The following COL15A1 variants were observed in gnomAD, a reference collection of about 807,000 sequenced individuals.
COL15A1 encodes the protein collagen type XV alpha 1 chain.
Under a neutral mutation model 165.9 loss-of-function variants are expected in COL15A1, and 111 were observed. That is an observed-to-expected ratio of 0.67 (90% CI 0.57 to 0.78). COL15A1 has a LOEUF of 0.78. Among genes scored for constraint, COL15A1 ranks in the 30% least tolerant of loss-of-function variants. The pLI is 0.00. For synonymous variants in COL15A1, 659 were observed against 674.8 expected, an observed-to-expected ratio of 0.98 and a Z score of 0.36; for missense variants, 1,745 against 1,789.7, an observed-to-expected ratio of 0.98 and a Z score of 0.45.
At chr9:99,059,426 G>T (rs1035167293) in intron 35 of COL15A1, among the ~76,000 whole-genome samples, 1 of 152,188 alleles carries the variant, frequency 6.6e-6, no homozygotes, top group African/African-American at 2.4e-5. Context: ...TGGCCCCAAG[G>T]CCAGGGCTAC....
intron 2 of COL15A1, among the ~76,000 whole-genome samples, chr9:98,971,956 T>A (rs1312561640): frequency 6.6e-6 from 1 of 152,182 alleles, no homozygotes; most frequent in Non-Finnish European, 1.5e-5. Context: ...CAGGTGGTTG[T>A]GAGGCTGAAC....
At chr9:98,946,908 T>C (rs1221681948) in intron 2 of COL15A1, among the ~76,000 whole-genome samples, 2 of 152,240 alleles carry the variant, frequency 1.3e-5, no homozygotes, top group Non-Finnish European at 2.9e-5. Context: ...CTATGCTGTA[T>C]GCTTAAGTGG....
intron 9 of COL15A1, among the ~76,000 whole-genome samples, chr9:99,006,577 G>A (rs554658726): frequency 6.6e-6 from 1 of 152,328 alleles, no homozygotes; most frequent in Non-Finnish European, 1.5e-5. Flanking sequence ...AGGCCACTGG[G>A]CAGTTATATG....
At chr9:99,042,835 C>T (rs1038345363) in intron 24 of COL15A1, among the ~76,000 whole-genome samples, 4 of 152,146 alleles carry the variant, frequency 2.6e-5, no homozygotes, top group African/African-American at 9.7e-5. Context: ...AATTAACTTT[C>T]CAGTTGGTTT....
Position 99,003,535 on chromosome 9 carries a change from G to A in COL15A1, c.1148G>A (p.Gly383Glu). ...GCAGAGGCCAGCAGTGTGCCCACCGGGGGACCAACCCTCTCTATGTCCACG... is the reference window on the plus strand; with the variant it reads ...GCAGAGGCCAGCAGTGTGCCCACCGAGGGACCAACCCTCTCTATGTCCACG... The part of the protein sequence containing the change: ...GEAEASSVPT[G>E]GPTLSMSTEN... The change falls in exon 8 of 42, where the codon GGG (glycine) becomes GAG (glutamate). Residue 383 changes from glycine (G) to glutamate (E), a missense_variant. Transcript: ENST00000375001. 7.0e-6 allele frequency: 11 copies of A among 1,568,576 alleles called. No individual in the cohort carries two copies. Among genetic ancestry groups the A allele is most frequent in the Non-Finnish European group, 9.5e-6 (11 of 1,156,422 alleles).
chr9:99,001,932 G>A (rs769916173), intron 7 of COL15A1, among the ~76,000 whole-genome samples: 1 of 152,090 alleles, frequency 6.6e-6, no homozygotes, highest in Non-Finnish European at 1.5e-5. Flanking sequence ...TTCTGCCCGG[G>A]CTTCCACCCC....
intron 9 of COL15A1, among the ~76,000 whole-genome samples, chr9:99,014,384 T>A (rs900871317): frequency 6.6e-6 from 1 of 152,154 alleles, no homozygotes; most frequent in Non-Finnish European, 1.5e-5. Flanking sequence ...TTGCATTCCT[T>A]GTTGGAAGCA....
chr9:98,953,067 A>G (rs1837716807), intron 2 of COL15A1, among the ~76,000 whole-genome samples: 1 of 152,212 alleles, frequency 6.6e-6, no homozygotes, highest in South Asian at 2.1e-4. Flanking sequence ...GGAGTGTACC[A>G]GTGGTAGTGG....
At chr9:98,978,982 A>T (rs1350364325) in intron 2 of COL15A1, among the ~76,000 whole-genome samples, 1 of 152,174 alleles carries the variant, frequency 6.6e-6, no homozygotes, top group African/African-American at 2.4e-5. Context: ...AACTGATAGC[A>T]ATTCACTTCT....
At chr9:98,965,331 T>C (rs149567969) in intron 2 of COL15A1, among the ~76,000 whole-genome samples, 1 of 152,104 alleles carries the variant, frequency 6.6e-6, no homozygotes, top group African/African-American at 2.4e-5. Context: ...GAATTGAGAG[T>C]AGCAAGAGCT....
At chr9:99,037,560 A>T (rs778490699) in intron 21 of COL15A1, among the ~76,000 whole-genome samples, 8 of 152,222 alleles carry the variant, frequency 5.3e-5, no homozygotes, top group Admixed American at 1.3e-4. Flanking sequence ...CTCTGATATT[A>T]AAAAAGTTTC....
chr9:99,015,499 G>T lies in COL15A1; in HGVS notation c.1436G>T (p.Ser479Ile), dbSNP rs767034635. 1.7e-5 allele frequency: 28 copies of T among 1,613,452 alleles called. No individual in the cohort carries two copies. Among genetic ancestry groups the T allele is most frequent in the East Asian group, 2.2e-5 (1 of 44,896 alleles). Residue 479 changes from serine (S) to isoleucine (I), a missense_variant, in exon 10 of 42, where the codon AGT (serine) becomes ATT (isoleucine). Coordinates refer to ENST00000375001, the MANE Select transcript of COL15A1 (RefSeq NM_001855.5). Reference protein sequence around the residue: ...SLSTFEDEEASGVPTDGLAPL... With the variant: ...SLSTFEDEEAIGVPTDGLAPL... ...AGTACTTTTGAGGATGAGGAAGCCA[G>T]TGGGGTCCCCACAGATGGCCTGGCT...
chr9:99,052,446 T>G lies in COL15A1; in HGVS notation c.2950+13T>G. ...ATCACTTTTCACGGTATACACTCCC[T>G]TCTTCATCATTTGTTTCTCTGGGAC... On this transcript the variant is annotated intron_variant, in intron 31 of 41. Coordinates refer to ENST00000375001, the MANE Select transcript of COL15A1 (RefSeq NM_001855.5). 1.3e-6 allele frequency: 2 copies of G among 1,586,094 alleles called. No individual in the cohort carries two copies. Among genetic ancestry groups the G allele is most frequent in the Non-Finnish European group, 1.7e-6 (2 of 1,154,750 alleles).
rs142200089 is a variant in COL15A1 at position 98,987,323 on chromosome 9, C to T, written c.678C>T (p.Pro226=). The T allele has an allele frequency of 1.9e-5, 30 of 1,613,374 alleles. No individual in the cohort carries two copies. The highest frequency in any genetic ancestry group is 1.6e-4 in the Middle Eastern group (1 of 6,084). Reference sequence around the variant, plus strand: ...CCCTCCAGCAGCTCACCGTGCACCCCGACCCCAGGACTCCCGAGGAGCTGT... The same window carrying T: ...CCCTCCAGCAGCTCACCGTGCACCCTGACCCCAGGACTCCCGAGGAGCTGT... ...TGSLQQLTVH[P]DPRTPEELCD... Residue 226 remains proline, a synonymous_variant, in exon 4 of 42, where the codon CCC becomes CCT. Transcript: ENST00000375001.
chr9:98,956,768 C>T (rs924587409), intron 2 of COL15A1, among the ~76,000 whole-genome samples: 3 of 152,228 alleles, frequency 2.0e-5, no homozygotes, highest in Admixed American at 1.3e-4. Context: ...GCAGCATCAG[C>T]ATAACCTGGG....
chr9:99,000,393 T>C (rs1838628925), intron 6 of COL15A1, among the ~76,000 whole-genome samples: 3 of 152,068 alleles, frequency 2.0e-5, no homozygotes, highest in South Asian at 2.1e-4. Flanking sequence ...GAATATGTTA[T>C]ATATATAATA....
Position 99,067,290 on chromosome 9 carries a change from T to G in COL15A1, c.3837+223T>G, listed in dbSNP as rs920737315. On this transcript the variant is annotated intron_variant, in intron 40 of 41. Coordinates refer to ENST00000375001, the MANE Select transcript of COL15A1 (RefSeq NM_001855.5). The stretch of plus-strand genomic sequence containing the variant: ...TGCAGGAGGAGAGATAGTGATAACT[T>G]CTTTCATTGATACAGGGTTTTCTTG... Among the ~76,000 whole-genome samples, 4 of 152,208 alleles carry G rather than the reference T, an allele frequency of 2.6e-5. 1 individual carries two copies. Among genetic ancestry groups the G allele is most frequent in the Admixed American group, 2.6e-4 (4 of 15,282 alleles).
At chr9:99,010,714 TC>T (rs1376151353) in intron 9 of COL15A1, among the ~76,000 whole-genome samples, 2 of 152,214 alleles carry the variant, frequency 1.3e-5, no homozygotes, top group Non-Finnish European at 2.9e-5. Context: ...GTTGGTCACG[TC>T]CCATGGGCCT....
chr9:99,014,400 G>A (rs1838896163), intron 9 of COL15A1, among the ~76,000 whole-genome samples: 1 of 152,170 alleles, frequency 6.6e-6, no homozygotes, highest in African/African-American at 2.4e-5. Flanking sequence ...AAGCAAGTAA[G>A]ACTGCAAAAA....
Sources: gnomAD v4.1 joint callset for allele counts (sites outside exome capture counted in the v4.1 genomes callset) on GRCh38, gnomAD v4.1.1 for gene constraint, MANE v1.5 for transcripts, NCBI Gene and HGNC (gene_info 2026-07-23, HGNC 2026-07-21) for gene names.